The following WNK1 variants were observed in gnomAD, a reference collection of about 807,000 sequenced individuals.
WNK1 encodes the protein WNK lysine deficient protein kinase 1.
WNK1 carries 38 observed loss-of-function variants against 222.8 expected under a neutral mutation model. The observed-to-expected ratio is 0.17, with a 90% CI of 0.13 to 0.22. WNK1 has a LOEUF of 0.22. Ranked by LOEUF, WNK1 falls within the 10% of genes least tolerant of loss-of-function variation. WNK1 has a pLI of 1.00. For missense variants in WNK1, 2,348 were observed against 2,918.4 expected, an observed-to-expected ratio of 0.80 and a Z score of 4.50; for synonymous variants, 1,090 against 1,092.9, an observed-to-expected ratio of 1.00 and a Z score of 0.05.
intron 9 of WNK1, among the ~76,000 whole-genome samples, chr12:874,748 C>T (rs550173553): frequency 1.0e-3 from 156 of 152,208 alleles, no homozygotes; most frequent in Non-Finnish European, 1.3e-3. Flanking sequence ...ATAATTATTT[C>T]CATTTTACTG....
At chr12:809,984 G>A (rs1946757422) in intron 1 of WNK1, among the ~76,000 whole-genome samples, 1 of 152,118 alleles carries the variant, frequency 6.6e-6, no homozygotes, top group African/African-American at 2.4e-5. Flanking sequence ...GGGCACGGTG[G>A]CTCACGTCTG....
Position 896,490 on chromosome 12 carries a change from G to A in WNK1, c.6003G>A (p.Leu2001=). The A allele has an allele frequency of 1.9e-6, 3 of 1,613,906 alleles. No individual in the cohort carries two copies. Among genetic ancestry groups the A allele is most frequent in the Non-Finnish European group, 2.5e-6 (3 of 1,179,992 alleles). The change falls in exon 24 of 28, where the codon CTG becomes CTA. Residue 2001 remains leucine, a synonymous_variant. Coordinates refer to ENST00000315939, the MANE Select transcript of WNK1 (RefSeq NM_018979.4). ...TACCAAAGAAAGAGAAGCCTGAACT[G>A]TCAGAGCCTTCACATCTAAATGGGC... ...AVIPKKEKPE[L]SEPSHLNGPS...
intron 1 of WNK1, among the ~76,000 whole-genome samples, chr12:779,187 T>C (rs1305896795): frequency 6.6e-6 from 1 of 152,184 alleles, no homozygotes; most frequent in Non-Finnish European, 1.5e-5. Flanking sequence ...AATGTACTCA[T>C]TTTCATAAAA....
At chr12:800,082 T>C (rs1343214050) in intron 1 of WNK1, among the ~76,000 whole-genome samples, 2 of 152,160 alleles carry the variant, frequency 1.3e-5, no homozygotes, top group Non-Finnish European at 2.9e-5. Context: ...AGGTTAAGGC[T>C]GCAATGGTCT....
At chr12:775,218 T>C (rs1456290941) in intron 1 of WNK1, among the ~76,000 whole-genome samples, 1 of 152,264 alleles carries the variant, frequency 6.6e-6, no homozygotes, top group African/African-American at 2.4e-5. Context: ...AAAATTTTGC[T>C]TTTGCAGTTA....
intron 5 of WNK1, 66 bp from the exon 6 acceptor site, chr12:859,179 G>T: frequency 7.2e-7 from 1 of 1,395,374 alleles, no homozygotes; most frequent in South Asian, 1.2e-5. Flanking sequence ...GGCCACATTT[G>T]AAAATTATTT....
At chr12:862,370 G>C in intron 8 of WNK1, 100 bp downstream of exon 8, 1 of 1,280,246 alleles carries the variant, frequency 7.8e-7, no homozygotes, top group Non-Finnish European at 1.1e-6. Flanking sequence ...GTATGAGTCT[G>C]AAGTAGAAAA....
chr12:880,545 T>C (rs1447248799), intron 11 of WNK1, among the ~76,000 whole-genome samples, 176 bp from the exon 12 acceptor site: 1 of 152,106 alleles, frequency 6.6e-6, no homozygotes, highest in Non-Finnish European at 1.5e-5. Flanking sequence ...TTGGAACCAG[T>C]CTACTACTTC....
At chr12:823,855 C>G (rs1591864640) in intron 2 of WNK1, among the ~76,000 whole-genome samples, 2 of 149,566 alleles carry the variant, frequency 1.3e-5, no homozygotes, top group Admixed American at 1.3e-4. Context: ...GGGCAAAAAT[C>G]AGTCACAATG....
intron 1 of WNK1, among the ~76,000 whole-genome samples, chr12:792,470 C>T (rs948587328): frequency 9.9e-5 from 15 of 151,810 alleles, no homozygotes; most frequent in East Asian, 7.7e-4. Flanking sequence ...CCCGCCACCA[C>T]GCCCAGCTAA....
At chr12:839,730 T>C (rs1949472029) in intron 4 of WNK1, among the ~76,000 whole-genome samples, 2 of 152,006 alleles carry the variant, frequency 1.3e-5, no homozygotes, top group South Asian at 4.1e-4. Context: ...AATCATTACT[T>C]TTTTTGAGAC....
chr12:897,759 CA>C (rs1954875347), intron 25 of WNK1, 78 bp downstream of exon 25: 1 of 1,452,264 alleles, frequency 6.9e-7, no homozygotes, highest in Non-Finnish European at 9.5e-7. Flanking sequence ...ACCTGCTGAA[CA>C]TTTGTTGTTT....
chr12:788,165 G>A (rs900862345), intron 1 of WNK1, among the ~76,000 whole-genome samples: 2 of 151,960 alleles, frequency 1.3e-5, no homozygotes, highest in Non-Finnish European at 2.9e-5. Context: ...CTGATTGTAG[G>A]TTTAACCATA....
chr12:790,215 G>T lies in WNK1; in HGVS notation c.760-23427G>T, dbSNP rs962868707. Among the ~76,000 whole-genome samples, 8 of 152,294 alleles carry T rather than the reference G, an allele frequency of 5.3e-5. No individual in the cohort carries two copies. In the East Asian group the frequency reaches 5.8e-4, roughly 11 times the overall value. The stretch of plus-strand genomic sequence containing the variant: ...GGGCTATAGTAGAATAGAAGGAAAT[G>T]ACTTTTTGGAGAAAGTGATTTCTTT... On this transcript the variant is annotated intron_variant, in intron 1 of 27. Coordinates refer to ENST00000315939, the MANE Select transcript of WNK1 (RefSeq NM_018979.4).
intron 1 of WNK1, among the ~76,000 whole-genome samples, chr12:801,874 G>C (rs200213989): frequency 6.6e-6 from 1 of 152,152 alleles, no homozygotes; most frequent in Non-Finnish European, 1.5e-5. Flanking sequence ...ATTTCAATTT[G>C]TACAATGTGT....
intron 1 of WNK1, among the ~76,000 whole-genome samples, chr12:786,881 G>C (rs1023818826): frequency 1.3e-5 from 2 of 151,832 alleles, no homozygotes; most frequent in Non-Finnish European, 2.9e-5. Context: ...GAACTTTAAC[G>C]TACATTTATA....
chr12:803,052 G>T (rs973175038), intron 1 of WNK1, among the ~76,000 whole-genome samples: 9 of 152,130 alleles, frequency 5.9e-5, no homozygotes, highest in African/African-American at 2.2e-4. Flanking sequence ...TAAAATTGAA[G>T]AAATTAATGT....
chr12:778,487 C>T (rs977345413), intron 1 of WNK1, among the ~76,000 whole-genome samples: 1 of 151,950 alleles, frequency 6.6e-6, no homozygotes, highest in Non-Finnish European at 1.5e-5. Context: ...CATGCCATCA[C>T]GCCTGGCTAA....
At chr12:869,689 C>T (rs970751701) in intron 8 of WNK1, among the ~76,000 whole-genome samples, 1 of 151,962 alleles carries the variant, frequency 6.6e-6, no homozygotes, top group Non-Finnish European at 1.5e-5. Context: ...ATGAAAATGC[C>T]TTTTTAAAAT....
Sources: allele counts gnomAD v4.1 joint callset (sites outside exome capture counted in the v4.1 genomes callset), GRCh38; gene constraint gnomAD v4.1.1; transcripts MANE v1.5; gene names NCBI Gene and HGNC (gene_info 2026-07-23, HGNC 2026-07-21).